Variants in SIDT2 observed in about 807,000 individuals in gnomAD.
The protein encoded by SIDT2 is SID1 transmembrane family, member 2.
A neutral mutation model predicts 114.4 loss-of-function variants in SIDT2; 68 were observed. That is an observed-to-expected ratio of 0.59 (90% CI 0.49 to 0.73). The LOEUF is 0.73. Among genes scored for constraint, SIDT2 ranks in the 30% least tolerant of loss-of-function variants. SIDT2 has a pLI of 0.00. For synonymous variants in SIDT2, 470 were observed against 438.4 expected (o/e 1.07, Z -0.90); for missense variants, 918 against 1,097.1 (o/e 0.84, Z 2.31).
rs766846186 is a variant in SIDT2 at position 117,179,218 on chromosome 11, C to T, written c.-46C>T. The T allele has an allele frequency of 8.4e-6, 13 of 1,547,206 alleles. No individual in the cohort carries two copies. In the Admixed American group the frequency reaches 2.0e-4, roughly 24 times the overall value. On this transcript the variant is annotated 5_prime_UTR_variant, in exon 1 of 26. Transcript: ENST00000324225. The stretch of plus-strand genomic sequence containing the variant: ...CCCGGAGGTGTCCTGTCTCCTGTCG[C>T]CGCCGCCGCCGCCACCACCGCTGCC...
chr11:117,191,879 C>T lies in SIDT2; in HGVS notation c.1737C>T (p.Asp579=), dbSNP rs771995269. ...VCPNYTNFQF[D]TSFMYMIAGL... ...TCCCTTCCGTGTCCCTCATCCTAGA[C>T]ACATCGTTCATGTACATGATCGCCG... The change falls in exon 19 of 26, where the codon GAC becomes GAT. Residue 579 remains aspartate, a splice_region_variant and synonymous_variant. Coordinates refer to ENST00000324225, the MANE Select transcript of SIDT2 (RefSeq NM_001040455.2). 1 of 1,614,060 alleles carries T rather than the reference C, an allele frequency of 6.2e-7. No homozygotes were observed. The highest frequency in any genetic ancestry group is 2.2e-5 in the East Asian group (1 of 44,880).
At position 117,191,991 on chromosome 11, in the gene SIDT2, ATCT is replaced by A. The variant is rs2030719274; in HGVS notation, c.1856_1858del (p.Phe619del). ...TGCCTACGCCTGCCTGGCCATTGTCATCTTCTTCTCTGTGCTGGGCGTGGTGAG... is the reference window on the plus strand; with the variant it reads ...TGCCTACGCCTGCCTGGCCATTGTCATCTTCTCTGTGCTGGGCGTGGTGAG... On this transcript the variant is annotated inframe_deletion, in exon 19 of 26. Transcript: ENST00000324225. 10 of 1,613,996 alleles carry A rather than the reference ATCT, an allele frequency of 6.2e-6. No individual in the cohort carries two copies. The highest frequency in any genetic ancestry group is 1.3e-5 in the African/African-American group (1 of 74,906).
Position 117,192,569 on chromosome 11 carries a change from C to T in SIDT2, c.1982-5C>T, listed in dbSNP as rs757316995. ...CCTGTCAGCACCACTCCCTTCTCTT[C>T]GCAGACTCGGGGATCTTCCGCCGCA... On this transcript the variant is annotated splice_region_variant and splice_polypyrimidine_tract_variant and intron_variant, in intron 20 of 25. Coordinates refer to ENST00000324225, the MANE Select transcript of SIDT2 (RefSeq NM_001040455.2). The surrounding 1 kb of genome is among the most constrained non-coding windows in gnomAD (Gnocchi z 5.9). 2.7e-5 allele frequency: 44 copies of T among 1,608,072 alleles called. No individual in the cohort carries two copies. The highest frequency in any genetic ancestry group is 3.3e-5 in the South Asian group (3 of 91,086).
rs1468213396 is a variant in SIDT2 at position 117,182,777 on chromosome 11, A to G, written c.673A>G (p.Met225Val). ...NVAFIGMYQT[M>V]TKKAAITVQR... ...AGCCTTCATCGGCATGTACCAGACGATGACCAAGAAGGCGGCCATCACCGT... is the reference window on the plus strand; with the variant it reads ...AGCCTTCATCGGCATGTACCAGACGGTGACCAAGAAGGCGGCCATCACCGT... Residue 225 changes from methionine to valine, a missense_variant, in exon 6 of 26, where the codon ATG (methionine) becomes GTG (valine). By Grantham distance (21) the Met-to-Val change is conservative. This residue lies in a region of SIDT2 where 553 missense variants were observed against 600.1 expected (regional missense o/e 0.92). Coordinates refer to ENST00000324225, the MANE Select transcript of SIDT2 (RefSeq NM_001040455.2). 2 of 1,614,152 alleles carry G rather than the reference A, an allele frequency of 1.2e-6. No individual in the cohort carries two copies. The highest frequency in any genetic ancestry group is 1.7e-6 in the Non-Finnish European group (2 of 1,180,020).
In SIDT2 at chr11:117,195,843, C is replaced by A; in HGVS notation, c.2364C>A (p.Ile788=). Residue 788 remains isoleucine (I), a synonymous_variant, in exon 25 of 26, where the codon ATC becomes ATA. Transcript: ENST00000324225. ...AESREHNRDC[I]LLDFFDDHDI... ...CGAGGGAGCACAACCGGGACTGCAT[C>A]CTCCTCGACTTCTTTGACGACCACG... is the stretch of plus-strand genomic sequence containing the variant. 6.2e-7 allele frequency: 1 copy of A among 1,614,242 alleles called. No homozygotes were observed. The highest frequency in any genetic ancestry group is 1.1e-5 in the South Asian group (1 of 91,088).
At chr11:117,179,888 T>G (rs932955666) in intron 1 of SIDT2, 2 of 154,932 alleles carry the variant, frequency 1.3e-5, no homozygotes, top group African/African-American at 4.8e-5. Flanking sequence ...CCCAGGGAGA[T>G]GAATGCAGGG....
chr11:117,181,585 C>T (rs536553836), intron 2 of SIDT2, 48 bp downstream of exon 2: 2 of 1,610,240 alleles, frequency 1.2e-6, no homozygotes, highest in East Asian at 2.2e-5. Context: ...TAGGCCAGTC[C>T]TTGGCTGGAG....
chr11:117,186,240 G>T lies in SIDT2; in HGVS notation c.962+17G>T. 1 of 1,611,580 alleles carries T rather than the reference G, an allele frequency of 6.2e-7. No individual in the cohort carries two copies. The highest frequency in any genetic ancestry group is 8.5e-7 in the Non-Finnish European group (1 of 1,177,748). ...GAACTGGAGGTAAAGTGGAACTGCT[G>T]GGCCTCCCCTGGTCTGGGTGGTTTG... On this transcript the variant is annotated intron_variant, in intron 9 of 25. Coordinates refer to ENST00000324225, the MANE Select transcript of SIDT2 (RefSeq NM_001040455.2).
At chr11:117,182,222 C>A in intron 4 of SIDT2, 117 bp downstream of exon 4, 1 of 1,198,620 alleles carries the variant, frequency 8.3e-7, no homozygotes, top group Non-Finnish European at 1.2e-6. Flanking sequence ...CCATGGAGGG[C>A]TCTCTGGAAA....
At position 117,195,899 on chromosome 11, in the gene SIDT2, T is replaced by C. The variant is rs141926188; in HGVS notation, c.2420T>C (p.Met807Thr). The C allele has an allele frequency of 2.5e-6, 4 of 1,614,242 alleles. No individual in the cohort carries two copies. The highest frequency in any genetic ancestry group is 2.7e-5 in the African/African-American group (2 of 75,072). The change falls in exon 25 of 26, where the codon ATG becomes ACG. Residue 807 changes from methionine (M) to threonine (T), a missense_variant. By Grantham distance (81) the Met-to-Thr change is moderately conservative (BLOSUM62 -1). This residue lies in a region of SIDT2 where 275 missense variants were observed against 397.6 expected (regional missense o/e 0.69). Coordinates refer to ENST00000324225, the MANE Select transcript of SIDT2 (RefSeq NM_001040455.2). ...DIWHFLSSIA[M>T]FGSFLVLLTL... ...TGGCACTTCCTCTCCTCCATCGCCA[T>C]GTTCGGGTCCTTCCTGGTAAGCGGG...
intron 24 of SIDT2, 26 bp from the exon 25 acceptor site, chr11:117,195,776 G>A (rs1488464452): frequency 8.1e-6 from 13 of 1,613,112 alleles, no homozygotes; most frequent in Admixed American, 3.3e-5. Flanking sequence ...AGGGTCATTC[G>A]GCAGTTTTTC....
At chr11:117,186,348 G>T in intron 9 of SIDT2, 125 bp downstream of exon 9, 1 of 901,996 alleles carries the variant, frequency 1.1e-6, no homozygotes. Flanking sequence ...TGATGGTGGG[G>T]CTGTTAGAGT....
intron 23 of SIDT2, 117 bp downstream of exon 23, chr11:117,193,375 G>C: frequency 1.1e-6 from 1 of 923,086 alleles, no homozygotes; most frequent in African/African-American, 1.6e-5. Flanking sequence ...GCTGGTTGCG[G>C]AGGGGAGAGG....
In SIDT2 at chr11:117,184,078, A is replaced by G. The variant is rs575228942; in HGVS notation, c.807A>G (p.Glu269=). The G allele has an allele frequency of 6.2e-7, 1 of 1,614,130 alleles. No homozygotes were observed. Among genetic ancestry groups the G allele is most frequent in the South Asian group, 1.1e-5 (1 of 91,072 alleles). ...SLPFYPFAED[E]PVDQGHRQKT... ...ACTTTGACATTTTACTTCCAGATGA[A>G]CCGGTCGATCAAGGGCACCGCCAGA... is the stretch of plus-strand genomic sequence containing the variant. The change falls in exon 8 of 26, where the codon GAA becomes GAG. Residue 269 remains glutamate, a synonymous_variant. Transcript: ENST00000324225.
intron 6 of SIDT2, among the ~76,000 whole-genome samples, chr11:117,183,034 C>A (rs1378118133): frequency 6.6e-6 from 1 of 152,136 alleles, no homozygotes; most frequent in African/African-American, 2.4e-5. Context: ...GGCTGTCATA[C>A]CTACTTCATT....
At chr11:117,189,743 GT>G in intron 15 of SIDT2, 2 of 611,248 alleles carry the variant, frequency 3.3e-6, no homozygotes, top group South Asian at 3.9e-5. Flanking sequence ...ATGCCTCAGG[GT>G]TTTCAGCCAC....
At chr11:117,183,243 G>A (rs530885291) in intron 6 of SIDT2, among the ~76,000 whole-genome samples, 196 of 152,128 alleles carry the variant, frequency 1.3e-3, no homozygotes, top group Non-Finnish European at 2.1e-3. Flanking sequence ...TACTCGGGAG[G>A]CTGAGTCAGG....
In SIDT2 at chr11:117,182,079, T is replaced by C. The variant is rs771752734; in HGVS notation, c.490T>C (p.Phe164Leu). ...FVLRTGEQFS[F>L]NTTAAQPQYF... ...CTGCAGGACTGGGGAGCAGTTCAGC[T>C]TCAATACCACAGCAGCACAGCCCCA... Residue 164 changes from phenylalanine (F) to leucine (L), a missense_variant, in exon 4 of 26, where the codon TTC becomes CTC. Transcript: ENST00000324225. The C allele has an allele frequency of 6.2e-7, 1 of 1,614,100 alleles. No individual in the cohort carries two copies.
In SIDT2 at chr11:117,189,258, G is replaced by A. The variant is rs3736121; in HGVS notation, c.1352+16G>A. On this transcript the variant is annotated intron_variant, in intron 14 of 25. Coordinates refer to ENST00000324225, the MANE Select transcript of SIDT2 (RefSeq NM_001040455.2). ...TCTACTTCTGGTGAGTGGGCTGAGTGTCTGGGGCTCTGCTGTTGGTGGGTG... is the reference window on the plus strand; with the variant it reads ...TCTACTTCTGGTGAGTGGGCTGAGTATCTGGGGCTCTGCTGTTGGTGGGTG... The A allele has an allele frequency of 5.3e-4, 859 of 1,614,146 alleles. 21 individuals are homozygous for A. The East Asian group carries it at 0.019, about 36-fold the overall frequency.
Sources: gnomAD v4.1 joint callset for allele counts (sites outside exome capture counted in the v4.1 genomes callset) on GRCh38, gnomAD v4.1.1 for gene constraint, gnomAD v4.1.1 regional missense constraint, Gnocchi (gnomAD v3.1) non-coding constraint, MANE v1.5 for transcripts, NCBI Gene and HGNC (gene_info 2026-07-23, HGNC 2026-07-21) for gene names.